The following CACNB1 variants were observed in gnomAD, a reference collection of about 807,000 sequenced individuals.
CACNB1 encodes the protein voltage-dependent L-type calcium channel subunit beta-1.
Under a neutral mutation model 71.6 loss-of-function variants are expected in CACNB1, and 29 were observed. The ratio of observed to expected loss-of-function variants is 0.40; its 90% CI spans 0.30 to 0.55. The LOEUF (loss-of-function observed/expected upper bound fraction) is 0.55. Ranked by LOEUF, CACNB1 falls within the 20% of genes least tolerant of loss-of-function variation. The pLI is 0.38. For synonymous variants in CACNB1, 300 were observed against 319.6 expected, an observed-to-expected ratio of 0.94 and a Z score of 0.65; for missense variants, 623 against 801.8, an observed-to-expected ratio of 0.78 and a Z score of 2.69.
rs368491070 is a variant in CACNB1, at chr17:39,179,462, A to T, written c.1051-1383T>A. Among the ~76,000 whole-genome samples, 6 of 150,738 alleles carry T rather than the reference A, an allele frequency of 4.0e-5. No homozygotes were observed. In the East Asian group the frequency reaches 7.9e-4, roughly 20 times the overall value. On this transcript the variant is annotated intron_variant, in intron 11 of 13. Coordinates refer to ENST00000394303, the MANE Select transcript of CACNB1 (RefSeq NM_000723.5). Reference sequence around the variant, plus strand: ...CGGGCATGGTGGCAGGTGCCTGTAGACCCAGCTACTTGGGAGGCTGAGGCA... The same window carrying T: ...CGGGCATGGTGGCAGGTGCCTGTAGTCCCAGCTACTTGGGAGGCTGAGGCA...
rs772947242 is a variant in CACNB1 at position 39,177,986 on chromosome 17, G to C, written c.1144C>G (p.Pro382Ala). The C allele has an allele frequency of 7.4e-6, 12 of 1,611,732 alleles. No homozygotes were observed. Among genetic ancestry groups the C allele is most frequent in the Middle Eastern group, 1.6e-4 (1 of 6,082 alleles). Residue 382 changes from proline to alanine, a missense_variant and splice_region_variant, in exon 12 of 14, where the codon CCT becomes GCT. Physicochemically the swap from Pro to Ala is conservative, Grantham distance 27 (BLOSUM62 -1). Coordinates refer to ENST00000394303, the MANE Select transcript of CACNB1 (RefSeq NM_000723.5). Reference sequence around the variant, plus strand: ...TTCCCTGGGATCTAGGCACTCACAGGGGGGCACTGTGCCAGCTTTTCCGAG... The same window carrying C: ...TTCCCTGGGATCTAGGCACTCACAGCGGGGCACTGTGCCAGCTTTTCCGAG... Reference protein sequence around the residue: ...AASEKLAQCPPEMFDIILDEN... With the variant: ...AASEKLAQCPAEMFDIILDEN...
intron 11 of CACNB1, among the ~76,000 whole-genome samples, chr17:39,179,034 C>G (rs1350578176): frequency 6.6e-6 from 1 of 152,114 alleles, no homozygotes; most frequent in Non-Finnish European, 1.5e-5. Flanking sequence ...TGGGTCACAC[C>G]TGTAATCCCA....
Position 39,197,549 on chromosome 17 carries a change from G to T in CACNB1, c.-54C>A. On this transcript the variant is annotated 5_prime_UTR_variant, in exon 1 of 14. Transcript: ENST00000394303. ...CCCGGCCCAGCCGGGCTCCCTCAGCGCATGGGAGAGGCCGTGGGAGCCGAA... is the reference window on the plus strand; with the variant it reads ...CCCGGCCCAGCCGGGCTCCCTCAGCTCATGGGAGAGGCCGTGGGAGCCGAA... 1 of 1,333,778 alleles carries T rather than the reference G, an allele frequency of 7.5e-7. No individual in the cohort carries two copies. The highest frequency in any genetic ancestry group is 1.0e-6 in the Non-Finnish European group (1 of 993,376). 82.6% of individuals were successfully genotyped at this position (1,333,778 alleles called of 1,614,324 possible).
rs1043561745 is a variant in CACNB1 at position 39,185,859 on chromosome 17, TACC to T, written c.628+634_628+636del. On this transcript the variant is annotated intron_variant, in intron 6 of 13. Coordinates refer to ENST00000394303, the MANE Select transcript of CACNB1 (RefSeq NM_000723.5). Reference sequence around the variant, plus strand: ...CCCTGATGCCCACAGAACAGGTTGGTACCACATCTGAATCCATTACAGCCCCCT... The same window carrying T: ...CCCTGATGCCCACAGAACAGGTTGGTACATCTGAATCCATTACAGCCCCCT... 1.5e-5 allele frequency: 21 copies of T among 1,407,256 alleles called. No individual in the cohort carries two copies. In the Admixed American group the frequency reaches 4.0e-4, roughly 27 times the overall value. The allele number at this position is 1,407,256 out of a possible 1,614,324, so 87.2% of individuals were successfully genotyped here.
chr17:39,196,548 A>G (rs2046203526), intron 1 of CACNB1, among the ~76,000 whole-genome samples: 1 of 152,122 alleles, frequency 6.6e-6, no homozygotes, highest in Non-Finnish European at 1.5e-5. Context: ...AGTTAATGCT[A>G]TCCTTGGAGA....
Position 39,186,332 on chromosome 17 carries a change from G to C in CACNB1, c.628+164C>G. On this transcript the variant is annotated intron_variant, in intron 6 of 13. Transcript: ENST00000394303. This position sits in a 1 kb window ranked among gnomAD's most constrained non-coding sequence, Gnocchi z 4.1. ...GGAGAGGAGAGACATGACAGGCCCA[G>C]CTTGAGGGGTAGCCTACTCTTCATG... 3 of 639,782 alleles carry C rather than the reference G, an allele frequency of 4.7e-6. No individual in the cohort carries two copies. The highest frequency in any genetic ancestry group is 8.2e-6 in the Non-Finnish European group (3 of 365,336). The allele number at this position is 639,782 out of a possible 1,614,324, so 39.6% of individuals were successfully genotyped here.
intron 4 of CACNB1, 103 bp from the exon 5 acceptor site, chr17:39,187,032 C>G (rs1202618832): frequency 7.8e-7 from 1 of 1,282,200 alleles, no homozygotes; most frequent in Non-Finnish European, 1.1e-6. Context: ...CCTCCCAGCC[C>G]AGGGGTGGCA....
chr17:39,184,176 G>C, intron 9 of CACNB1, 36 bp from the exon 10 acceptor site: 1 of 1,440,950 alleles, frequency 6.9e-7, no homozygotes, highest in Non-Finnish European at 9.8e-7. Context: ...CAGGGGTCAG[G>C]GTGGGCTGGA....
chr17:39,187,051 A>C, intron 4 of CACNB1, 122 bp from the exon 5 acceptor site: 2 of 1,025,810 alleles, frequency 1.9e-6, no homozygotes, highest in Non-Finnish European at 2.9e-6. Context: ...CACCCTCAAA[A>C]ATCCCCAGCC....
chr17:39,177,436 T>C lies in CACNB1; in HGVS notation c.1246A>G (p.Ser416Gly). The C allele has an allele frequency of 6.2e-7, 1 of 1,613,904 alleles. No homozygotes were observed. Among genetic ancestry groups the C allele is most frequent in the Non-Finnish European group, 8.5e-7 (1 of 1,179,874 alleles). The change falls in exon 13 of 14, where the codon AGC becomes GGC. Residue 416 changes from serine to glycine, a missense_variant. Ser to Gly is a moderately conservative substitution (Grantham distance 56). Coordinates refer to ENST00000394303, the MANE Select transcript of CACNB1 (RefSeq NM_000723.5). ...EAYWKATHPPSSTPPNPLLNR... is the reference protein window; with the variant it reads ...EAYWKATHPPGSTPPNPLLNR... The stretch of plus-strand genomic sequence containing the variant: ...AGCAGCGGATTGGGTGGCGTGCTGC[T>C]GGGCGGGTGTGTGGCCTTCCAATAG...
intron 7 of CACNB1, 48 bp downstream of exon 7, chr17:39,185,083 C>A: frequency 6.3e-7 from 1 of 1,578,696 alleles, no homozygotes; most frequent in Non-Finnish European, 8.7e-7. Flanking sequence ...GTCCCCCTAG[C>A]TCATCCCAGG....
rs1051562877 is a variant in CACNB1 at position 39,194,580 on chromosome 17, G to C, written c.171+304C>G. On this transcript the variant is annotated intron_variant, in intron 2 of 13. Coordinates refer to ENST00000394303, the MANE Select transcript of CACNB1 (RefSeq NM_000723.5). The surrounding 1 kb of genome is among the most constrained non-coding windows in gnomAD (Gnocchi z 4.6). ...CAGCCGGCAGGGGGAGTGGGTGACAGCCCGAAGCAAGCTGGAGGGAGGCAG... is the reference window on the plus strand; with the variant it reads ...CAGCCGGCAGGGGGAGTGGGTGACACCCCGAAGCAAGCTGGAGGGAGGCAG... Among the ~76,000 whole-genome samples the C allele has an allele frequency of 6.6e-6, 1 of 152,092 alleles. No homozygotes were observed. The highest frequency in any genetic ancestry group is 2.1e-4 in the South Asian group (1 of 4,824).
At chr17:39,187,740 G>A in intron 3 of CACNB1, 139 bp from the exon 4 acceptor site, 1 of 1,027,378 alleles carries the variant, frequency 9.7e-7, no homozygotes, top group East Asian at 2.6e-5. Flanking sequence ...TGGGCAGGGT[G>A]TGGTGGCTCA....
intron 11 of CACNB1, among the ~76,000 whole-genome samples, chr17:39,182,410 C>CA (rs2045793225): frequency 6.6e-6 from 1 of 150,448 alleles, no homozygotes; most frequent in African/African-American, 2.4e-5. Flanking sequence ...CCTCATAAAT[C>CA]AGAGAGTAGG....
Position 39,174,417 on chromosome 17 carries a change from ATGCAGAG to A in CACNB1, c.*769_*775del, listed in dbSNP as rs1481028773. 1 of 152,840 alleles carries A rather than the reference ATGCAGAG, an allele frequency of 6.5e-6. No homozygotes were observed. Among genetic ancestry groups the A allele is most frequent in the Non-Finnish European group, 1.5e-5 (1 of 68,216 alleles). The allele number at this position is 152,840 out of a possible 1,614,324, so 9.5% of individuals were successfully genotyped here. On this transcript the variant is annotated 3_prime_UTR_variant, in exon 14 of 14. Coordinates refer to ENST00000394303, the MANE Select transcript of CACNB1 (RefSeq NM_000723.5). ...GGTGGCACAGGGATGGGGGGCTCAG[ATGCAGAG>A]GGGCCCCCTCTACTAATGGCAGCAG...
intron 7 of CACNB1, 77 bp from the exon 8 acceptor site, chr17:39,184,941 C>A: frequency 8.7e-7 from 1 of 1,144,026 alleles, no homozygotes; most frequent in Non-Finnish European, 1.3e-6. Context: ...CCAGGCTCCC[C>A]CATGCAGCCT....
rs531732362 is a variant in CACNB1 at position 39,194,713 on chromosome 17, G to A, written c.171+171C>T. On this transcript the variant is annotated intron_variant, in intron 2 of 13. Coordinates refer to ENST00000394303, the MANE Select transcript of CACNB1 (RefSeq NM_000723.5). The surrounding 1 kb of genome is among the most constrained non-coding windows in gnomAD (Gnocchi z 4.6). ...GGCGGGGGCTGAGCGAGTGGGTGCCGCTGACAGCACATCCAGAAGAGGTCA... is the reference window on the plus strand; with the variant it reads ...GGCGGGGGCTGAGCGAGTGGGTGCCACTGACAGCACATCCAGAAGAGGTCA... Among the ~76,000 whole-genome samples, 8 of 152,162 alleles carry A rather than the reference G, an allele frequency of 5.3e-5. No homozygotes were observed. The highest frequency in any genetic ancestry group is 1.9e-4 in the East Asian group (1 of 5,164).
At chr17:39,190,638 A>G (rs2046052329) in intron 3 of CACNB1, among the ~76,000 whole-genome samples, 1 of 151,454 alleles carries the variant, frequency 6.6e-6, no homozygotes, top group African/African-American at 2.4e-5. Context: ...ACATTGCCCA[A>G]GCTGGTCTCG....
chr17:39,177,206 C>G, intron 13 of CACNB1, 144 bp downstream of exon 13: 1 of 1,523,370 alleles, frequency 6.6e-7, no homozygotes, highest in Non-Finnish European at 8.8e-7. Context: ...CACTCCAGTT[C>G]CGACCCCAGA....
Sources: allele counts gnomAD v4.1 joint callset (sites outside exome capture counted in the v4.1 genomes callset), GRCh38; gene constraint gnomAD v4.1.1; non-coding constraint Gnocchi (gnomAD v3.1); transcripts MANE v1.5; gene names NCBI Gene and HGNC (gene_info 2026-07-23, HGNC 2026-07-21).